Variants in ZNF844 observed in about 807,000 individuals in gnomAD.
ZNF844 encodes the protein zinc finger protein 844.
ZNF844 carries 11 observed loss-of-function variants against 11.4 expected under a neutral mutation model. The ratio of observed to expected loss-of-function variants is 0.97; its 90% CI spans 0.61 to 1.60. The LOEUF is 1.60. ZNF844 is among the 40% of genes most tolerant of loss of function. The pLI, the probability that ZNF844 is intolerant of heterozygous loss-of-function variation, is 0.00. For missense variants in ZNF844, 790 were observed against 796.8 expected (o/e 0.99, Z 0.10); for synonymous variants, 248 against 260.3 (o/e 0.95, Z 0.46).
At chr19:12,075,168 C>G (rs560582916) in intron 3 of ZNF844, 144 bp from the exon 4 acceptor site, 1 of 465,536 alleles carries the variant, frequency 2.1e-6, no homozygotes, top group African/African-American at 2.1e-5. Flanking sequence ...CAAACCTGCA[C>G]GTTGTGCACA....
In ZNF844 at chr19:12,076,017, TGAAA is replaced by T; in HGVS notation, c.901_904del (p.Arg301LeufsTer28). The stretch of plus-strand genomic sequence containing the variant: ...GATGGTTCCATTCCTTTCAAATACA[TGAAA>T]GAACTCACAGTGAGGAGAAGGCTTA... On this transcript the variant is annotated frameshift_variant, in exon 4 of 4. Coordinates refer to ENST00000439326, the MANE Select transcript of ZNF844 (RefSeq NM_001136501.3). LOFTEE classifies it low-confidence loss of function (END_TRUNC). The T allele has an allele frequency of 6.4e-7, 1 of 1,572,788 alleles. No individual in the cohort carries two copies. The highest frequency in any genetic ancestry group is 1.1e-5 in the South Asian group (1 of 87,048).
At chr19:12,070,731 A>G (rs1776382693) in intron 1 of ZNF844, among the ~76,000 whole-genome samples, 1 of 152,210 alleles carries the variant, frequency 6.6e-6, no homozygotes, top group South Asian at 2.1e-4. Flanking sequence ...CACAATTGCA[A>G]TATGTGTTGA....
chr19:12,077,409 A>C lies in ZNF844; in HGVS notation c.*288A>C. 1 of 693,662 alleles carries C rather than the reference A, an allele frequency of 1.4e-6. No individual in the cohort carries two copies. The highest frequency in any genetic ancestry group is 1.8e-5 in the African/African-American group (1 of 56,872). The allele number at this position is 693,662 out of a possible 1,614,324, so 43.0% of individuals were successfully genotyped here. ...GTGTAAGCAGTGTGGTAAAGCCTTCATGTCTTCTACTGCATTTCAGTATCA... is the reference window on the plus strand; with the variant it reads ...GTGTAAGCAGTGTGGTAAAGCCTTCCTGTCTTCTACTGCATTTCAGTATCA... On this transcript the variant is annotated 3_prime_UTR_variant, in exon 4 of 4. Transcript: ENST00000439326.
At position 12,075,310 on chromosome 19, in the gene ZNF844, A is replaced by G; in HGVS notation, c.192-2A>G. The G allele has an allele frequency of 2.1e-6, 3 of 1,399,444 alleles. No individual in the cohort carries two copies. The highest frequency in any genetic ancestry group is 1.8e-5 in the South Asian group (1 of 56,812). The allele number at this position is 1,399,444 out of a possible 1,614,324, so 86.7% of individuals were successfully genotyped here. ...CAATAATGTGTTTCTCATTTTTCAC[A>G]GAAGTCTTCTGGGAGAGAGAGTTGA... On this transcript the variant is annotated splice_acceptor_variant, in intron 3 of 3. Transcript: ENST00000439326. LOFTEE classifies it high-confidence loss of function.
At chr19:12,069,021 G>C (rs1975722472) in intron 1 of ZNF844, among the ~76,000 whole-genome samples, 1 of 152,140 alleles carries the variant, frequency 6.6e-6, no homozygotes, top group African/African-American at 2.4e-5. Flanking sequence ...TATTCTGAGA[G>C]AATCTCAGAG....
In ZNF844 at chr19:12,081,432, T is replaced by G. The variant is rs1975895447; in HGVS notation, c.*4311T>G. ...GATTATATTTGATTAAAAACAATAATTTTTTTGGCAACCAAGATTTCTGTA... is the reference window on the plus strand; with the variant it reads ...GATTATATTTGATTAAAAACAATAAGTTTTTTGGCAACCAAGATTTCTGTA... On this transcript the variant is annotated 3_prime_UTR_variant, in exon 4 of 4. Transcript: ENST00000439326. 1 of 152,216 alleles carries G rather than the reference T, an allele frequency of 6.6e-6. No homozygotes were observed. The highest frequency in any genetic ancestry group is 2.4e-5 in the African/African-American group (1 of 41,462). The allele number at this position is 152,216 out of a possible 1,614,324, so 9.4% of individuals were successfully genotyped here.
At chr19:12,066,616 G>A (rs1287178213) in intron 1 of ZNF844, among the ~76,000 whole-genome samples, 1 of 143,326 alleles carries the variant, frequency 7.0e-6, no homozygotes, top group African/African-American at 2.6e-5. Context: ...ACGCGATCTC[G>A]GCTCACTGCA....
chr19:12,067,575 A>G (rs1331223961), intron 1 of ZNF844, among the ~76,000 whole-genome samples: 2 of 131,350 alleles, frequency 1.5e-5, no homozygotes, highest in Admixed American at 8.4e-5. Context: ...CCATTGCACT[A>G]TAGCTTGGGC....
chr19:12,073,951 G>A, intron 1 of ZNF844, 80 bp from the exon 2 acceptor site: 1 of 1,515,776 alleles, frequency 6.6e-7, no homozygotes, highest in Non-Finnish European at 8.8e-7. Flanking sequence ...CAGCATCATG[G>A]GAACTTCTTA....
intron 1 of ZNF844, among the ~76,000 whole-genome samples, chr19:12,065,998 G>A (rs1975683333): frequency 6.6e-6 from 1 of 151,962 alleles, no homozygotes; most frequent in South Asian, 2.1e-4. Flanking sequence ...GCGCGATCAC[G>A]GCTCACTGCA....
In ZNF844 at chr19:12,077,254, C is replaced by A. The variant is rs1478845631; in HGVS notation, c.*133C>A. 1.4e-6 allele frequency: 2 copies of A among 1,453,172 alleles called. No individual in the cohort carries two copies. Among genetic ancestry groups the A allele is most frequent in the Non-Finnish European group, 1.9e-6 (2 of 1,038,938 alleles). The allele number at this position is 1,453,172 out of a possible 1,614,324, so 90.0% of individuals were successfully genotyped here. A position where few individuals can be genotyped will look rare whatever the true frequency, so the allele number is the denominator to read the frequency against. ...GGTAAAGCCTTCATTTCTTCCACTG[C>A]CATTCGTAGACATGAAAGGACTCAC... On this transcript the variant is annotated 3_prime_UTR_variant, in exon 4 of 4. Coordinates refer to ENST00000439326, the MANE Select transcript of ZNF844 (RefSeq NM_001136501.3).
chr19:12,074,522 A>C, intron 3 of ZNF844, 101 bp downstream of exon 3: 2 of 865,180 alleles, frequency 2.3e-6, no homozygotes, highest in Non-Finnish European at 3.6e-6. Flanking sequence ...CCTAGCATTA[A>C]ATTTATTTAC....
chr19:12,066,671 G>T (rs554082819), intron 1 of ZNF844, among the ~76,000 whole-genome samples: 97 of 150,414 alleles, frequency 6.4e-4, no homozygotes, highest in African/African-American at 2.1e-3. Context: ...CTCAGCCTCC[G>T]GAGTAGCTGG....
Position 12,064,868 on chromosome 19 carries a change from C to G in ZNF844, c.-6C>G. On this transcript the variant is annotated 5_prime_UTR_variant, in exon 1 of 4. Transcript: ENST00000439326. ...TTGGACGTGGGAGTCACCTGAAAGC[C>G]AGGAAATGGTGAGTGTGAGCCCCCG... 1 of 1,550,034 alleles carries G rather than the reference C, an allele frequency of 6.5e-7. No individual in the cohort carries two copies. Among genetic ancestry groups the G allele is most frequent in the Non-Finnish European group, 8.7e-7 (1 of 1,146,560 alleles).
At chr19:12,069,088 G>C (rs561525502) in intron 1 of ZNF844, among the ~76,000 whole-genome samples, 6 of 152,206 alleles carry the variant, frequency 3.9e-5, no homozygotes, top group African/African-American at 1.4e-4. Context: ...GCCTTTCTGA[G>C]GCTAGTTGTC....
At chr19:12,073,246 G>T (rs376616183) in intron 1 of ZNF844, among the ~76,000 whole-genome samples, 1 of 151,604 alleles carries the variant, frequency 6.6e-6, no homozygotes, top group Non-Finnish European at 1.5e-5. Flanking sequence ...CGCAACCTCC[G>T]CCTGCCAGGT....
intron 1 of ZNF844, among the ~76,000 whole-genome samples, chr19:12,066,530 CTTTTTTTTT>C (rs80186949): frequency 7.6e-5 from 7 of 92,322 alleles, no homozygotes; most frequent in East Asian, 3.9e-4. Context: ...TAAATGTCTT[CTTTTTTTTT>C]TTTTTTTTTT....
At chr19:12,067,377 C>T (rs1439328649) in intron 1 of ZNF844, among the ~76,000 whole-genome samples, 1 of 151,530 alleles carries the variant, frequency 6.6e-6, no homozygotes, top group Non-Finnish European at 1.5e-5. Flanking sequence ...TTTGGGAGGC[C>T]GGGTCGGGCA....
intron 1 of ZNF844, among the ~76,000 whole-genome samples, chr19:12,072,928 A>G (rs1975766696): frequency 6.6e-6 from 1 of 151,972 alleles, no homozygotes; most frequent in Non-Finnish European, 1.5e-5. Flanking sequence ...AATTCATTAT[A>G]TTTTCTGAAT....
Sources: gnomAD v4.1 joint callset for allele counts (sites outside exome capture counted in the v4.1 genomes callset) on GRCh38, gnomAD v4.1.1 for gene constraint, MANE v1.5 for transcripts, NCBI Gene and HGNC (gene_info 2026-07-23, HGNC 2026-07-21) for gene names.